The following PTPRG variants were observed in gnomAD, a reference collection of about 807,000 sequenced individuals.
PTPRG encodes protein tyrosine phosphatase receptor type G.
Under a neutral mutation model 165.3 loss-of-function variants are expected in PTPRG, and 102 were observed. The observed-to-expected ratio is 0.62, with a 90% CI of 0.53 to 0.73. The LOEUF (loss-of-function observed/expected upper bound fraction) is 0.73, where lower values mean the gene tolerates loss of function less well. Among genes scored for constraint, PTPRG ranks in the 30% least tolerant of loss-of-function variants. The pLI, the probability that PTPRG is intolerant of heterozygous loss-of-function variation, is 0.00. For synonymous variants in PTPRG, 675 were observed against 669.5 expected, an observed-to-expected ratio of 1.01 and a Z score of -0.13; for missense variants, 1,866 against 1,861.4, an observed-to-expected ratio of 1.00 and a Z score of -0.05.
At position 61,743,600 on chromosome 3, in the gene PTPRG, T is replaced by C. The variant is rs114226739; in HGVS notation, c.86-5278T>C. Among the ~76,000 whole-genome samples the C allele has an allele frequency of 7.0e-3, 1,071 of 152,298 alleles. 13 individuals carry two copies. Among genetic ancestry groups the C allele is most frequent in the Middle Eastern group, 0.034 (10 of 294 alleles). On this transcript the variant is annotated intron_variant, in intron 1 of 29. Coordinates refer to ENST00000474889, the MANE Select transcript of PTPRG (RefSeq NM_002841.4). ...TGTACAGCATATACTGCTGGGCTTCTCTGTGTCTTACATAACTGATATTCC... is the reference window on the plus strand; with the variant it reads ...TGTACAGCATATACTGCTGGGCTTCCCTGTGTCTTACATAACTGATATTCC...
At chr3:62,030,698 A>AAT (rs752458409) in intron 4 of PTPRG, among the ~76,000 whole-genome samples, 16 of 152,202 alleles carry the variant, frequency 1.1e-4, no homozygotes, top group Non-Finnish European at 1.6e-4. Flanking sequence ...CAGTTAATGA[A>AAT]CAGCAAACAG....
rs149993176 is a variant in PTPRG, at chr3:61,860,394, C to G, written c.190+111412C>G. Among the ~76,000 whole-genome samples, 145 of 149,208 alleles carry G rather than the reference C, an allele frequency of 9.7e-4. 1 individual carries two copies. The highest frequency in any genetic ancestry group is 3.4e-3 in the African/African-American group (139 of 40,806). On this transcript the variant is annotated intron_variant, in intron 2 of 29. Coordinates refer to ENST00000474889, the MANE Select transcript of PTPRG (RefSeq NM_002841.4). ...AAAATACATGACTTTTCTCCCCAGG[C>G]ATAGAAGGATAATAGCTGTGCTTTT... is the stretch of plus-strand genomic sequence containing the variant.
rs549254718 is a variant in PTPRG at position 61,793,724 on chromosome 3, G to C, written c.190+44742G>C. On this transcript the variant is annotated intron_variant, in intron 2 of 29. Coordinates refer to ENST00000474889, the MANE Select transcript of PTPRG (RefSeq NM_002841.4). ...ATTGGCAGAAGTCCAGTCCAGTACA[G>C]CTTTCTGGATGCTGTCTACTTGTTG... is the stretch of plus-strand genomic sequence containing the variant. Among the ~76,000 whole-genome samples the C allele has an allele frequency of 4.6e-5, 7 of 152,270 alleles. No homozygotes were observed. In the South Asian group the frequency reaches 1.5e-3, roughly 32 times the overall value.
At chr3:62,150,319 G>A (rs1704283549) in intron 6 of PTPRG, among the ~76,000 whole-genome samples, 1 of 152,240 alleles carries the variant, frequency 6.6e-6, no homozygotes, top group African/African-American at 2.4e-5. Context: ...GAAAGTGGAA[G>A]TGAATGAGGC....
At chr3:62,005,061 C>T (rs941120760) in intron 4 of PTPRG, among the ~76,000 whole-genome samples, 1 of 152,102 alleles carries the variant, frequency 6.6e-6, no homozygotes, top group Non-Finnish European at 1.5e-5. Context: ...CTTATATGGC[C>T]ATGTATATTT....
intron 4 of PTPRG, among the ~76,000 whole-genome samples, chr3:62,048,223 G>A (rs1700359738): frequency 6.6e-6 from 1 of 152,148 alleles, no homozygotes; most frequent in Non-Finnish European, 1.5e-5. Flanking sequence ...AATGAATGTT[G>A]CTCTTTCCTA....
chr3:62,238,156 A>G (rs1294889908), intron 14 of PTPRG, among the ~76,000 whole-genome samples: 2 of 152,224 alleles, frequency 1.3e-5, no homozygotes, highest in African/African-American at 4.8e-5. Flanking sequence ...TGAGAGGGAT[A>G]TGAGAAATGG....
chr3:61,989,156 A>C (rs1481375881), intron 2 of PTPRG, among the ~76,000 whole-genome samples: 1 of 152,202 alleles, frequency 6.6e-6, no homozygotes, highest in Non-Finnish European at 1.5e-5. Flanking sequence ...AATGCCTCTC[A>C]TCTAGTTTTC....
chr3:61,796,404 T>C (rs1575670365), intron 2 of PTPRG, among the ~76,000 whole-genome samples: 1 of 152,234 alleles, frequency 6.6e-6, no homozygotes, highest in African/African-American at 2.4e-5. Flanking sequence ...ATAACGGCTG[T>C]GACTCCTGGA....
rs1440216653 is a variant in PTPRG at position 61,738,276 on chromosome 3, A to G, written c.86-10602A>G. ...TCCATTTTTATATATATATATATAT[A>G]TACATATATATATATATATATATAT... On this transcript the variant is annotated intron_variant, in intron 1 of 29. Transcript: ENST00000474889. 1.3e-4 allele frequency among the ~76,000 whole-genome samples: 9 copies of G among 69,820 alleles called. 2 individuals carry two copies. The highest frequency in any genetic ancestry group is 2.0e-4 in the Non-Finnish European group (7 of 35,564). The allele number at this position is 69,820 out of a possible 152,430, so 45.8% of individuals were successfully genotyped here. A position where few individuals can be genotyped will look rare whatever the true frequency, so the allele number is the denominator to read the frequency against.
intron 4 of PTPRG, among the ~76,000 whole-genome samples, 158 bp from the exon 5 acceptor site, chr3:62,078,005 A>C (rs1701446918): frequency 6.6e-6 from 1 of 152,054 alleles, no homozygotes; most frequent in Non-Finnish European, 1.5e-5. Context: ...CTCAAAAAAA[A>C]AAAAAAAAAA....
chr3:61,590,938 C>G (rs1289581275), intron 1 of PTPRG, among the ~76,000 whole-genome samples: 1 of 152,048 alleles, frequency 6.6e-6, no homozygotes, highest in Non-Finnish European at 1.5e-5. Flanking sequence ...GATGAAATAC[C>G]ATGTCTATTA....
intron 1 of PTPRG, among the ~76,000 whole-genome samples, chr3:61,666,729 C>A (rs932020524): frequency 6.6e-6 from 1 of 152,180 alleles, no homozygotes; most frequent in Non-Finnish European, 1.5e-5. Flanking sequence ...CTGGGAGGAC[C>A]ATCCTGTTCA....
intron 2 of PTPRG, among the ~76,000 whole-genome samples, chr3:61,898,701 G>A (rs2038425043): frequency 6.6e-6 from 1 of 152,164 alleles, no homozygotes; most frequent in African/African-American, 2.4e-5. Context: ...TGTGGCAAAG[G>A]TCTTTAAATG....
chr3:62,195,105 T>C lies in PTPRG; in HGVS notation c.1262T>C (p.Phe421Ser). 1 of 1,614,246 alleles carries C rather than the reference T, an allele frequency of 6.2e-7. No homozygotes were observed. The highest frequency in any genetic ancestry group is 8.5e-7 in the Non-Finnish European group (1 of 1,180,050). ...SHVSPDSLYLFRVQAVCRNDM... is the reference protein window; with the variant it reads ...SHVSPDSLYLSRVQAVCRNDM... Reference sequence around the variant, plus strand: ...GTCTCACCCGATAGCCTTTACCTGTTCCGAGTCCAGGCCGTGTGTCGGAAC... The same window carrying C: ...GTCTCACCCGATAGCCTTTACCTGTCCCGAGTCCAGGCCGTGTGTCGGAAC... The change falls in exon 10 of 30, where the codon TTC becomes TCC. Residue 421 changes from phenylalanine (F) to serine (S), a missense_variant. Around this residue, in one of 3 missense-constraint regions of PTPRG, gnomAD observed 1,452 missense variants for 1,463.0 expected, o/e 0.99. Transcript: ENST00000474889. This position sits in a 1 kb window ranked among gnomAD's most constrained non-coding sequence, Gnocchi z 4.4.
At chr3:62,268,166 C>T (rs562449129) in intron 19 of PTPRG, among the ~76,000 whole-genome samples, 273 of 152,050 alleles carry the variant, frequency 1.8e-3, no homozygotes, top group African/African-American at 6.3e-3. Flanking sequence ...AAAGGGTGTT[C>T]TAAGTACAGG....
intron 4 of PTPRG, among the ~76,000 whole-genome samples, chr3:62,041,977 T>A (rs906955468): frequency 1.3e-5 from 2 of 152,310 alleles, no homozygotes; most frequent in Middle Eastern, 6.8e-3. Context: ...GTTTAATGAA[T>A]GATTAAGCAT....
rs966010058 is a variant in PTPRG at position 62,210,464 on chromosome 3, C to G, written c.2155+6514C>G. Among the ~76,000 whole-genome samples the G allele has an allele frequency of 6.6e-6, 1 of 152,160 alleles. No homozygotes were observed. Among genetic ancestry groups the G allele is most frequent in the Non-Finnish European group, 1.5e-5 (1 of 68,034 alleles). On this transcript the variant is annotated intron_variant, in intron 12 of 29. Transcript: ENST00000474889. This position sits in a 1 kb window ranked among gnomAD's most constrained non-coding sequence, Gnocchi z 4.1. ...TGGAAAGAAGGGAACCCTTTGTGCA[C>G]TGCTAGTGGGAATGTAAAATGTGCA...
intron 2 of PTPRG, among the ~76,000 whole-genome samples, chr3:61,969,781 G>C (rs114520794): frequency 1.9e-3 from 294 of 152,202 alleles, no homozygotes; most frequent in African/African-American, 7.0e-3. Context: ...ACCCGGCCCA[G>C]CATCCCTCAA....
Sources: gnomAD v4.1 joint callset for allele counts (sites outside exome capture counted in the v4.1 genomes callset) on GRCh38, gnomAD v4.1.1 for gene constraint, gnomAD v4.1.1 regional missense constraint, Gnocchi (gnomAD v3.1) non-coding constraint, MANE v1.5 for transcripts, NCBI Gene and HGNC (gene_info 2026-07-23, HGNC 2026-07-21) for gene names.